The following MADCAM1 variants were observed in gnomAD, a reference collection of about 807,000 sequenced individuals.
MADCAM1 encodes mucosal addressin cell adhesion molecule 1.
Under a neutral mutation model 26.1 loss-of-function variants are expected in MADCAM1, and 19 were observed. That is an observed-to-expected ratio of 0.73 (90% confidence interval 0.51 to 1.07). The LOEUF (loss-of-function observed/expected upper bound fraction) is 1.07, where lower values mean the gene tolerates loss of function less well. Ranked by LOEUF, MADCAM1 falls within the 50% of genes least tolerant of loss-of-function variation. The pLI, the probability that MADCAM1 is intolerant of heterozygous loss-of-function variation, is 0.00. For missense variants in MADCAM1, 514 were observed against 542.1 expected (o/e 0.95, Z 0.51); for synonymous variants, 268 against 260.9 (o/e 1.03, Z -0.26).
Position 498,042 on chromosome 19 carries a change from G to A in MADCAM1, c.262G>A (p.Ala88Thr), listed in dbSNP as rs1334157470. The A allele has an allele frequency of 2.0e-6, 3 of 1,489,730 alleles. No individual in the cohort carries two copies. Among genetic ancestry groups the A allele is most frequent in the East Asian group, 2.7e-5 (1 of 37,452 alleles). The allele number at this position is 1,489,730 out of a possible 1,614,324, so 92.3% of individuals were successfully genotyped here. The change falls in exon 2 of 5, where the codon GCG (alanine) becomes ACG (threonine). Residue 88 changes from alanine (A) to threonine (T), a missense_variant. Transcript: ENST00000215637. ...CACCGTGCGCAACGCCTCGCTGTCG[G>A]CGGCCGGGACCCGCGTGTGCGTGGG... Reference protein sequence around the residue: ...VLTVRNASLSAAGTRVCVGSC... With the variant: ...VLTVRNASLSTAGTRVCVGSC...
intron 3 of MADCAM1, chr19:499,736 G>C: frequency 2.2e-6 from 1 of 450,938 alleles, no homozygotes; most frequent in Non-Finnish European, 4.5e-6. Context: ...CAGGGCCTGG[G>C]GCATAGCAGG....
rs1443750702 is a variant in MADCAM1, at chr19:498,758, C to T, written c.600C>T (p.Pro200=). ...RLPPLGTPVP[P]ALYCQATMRL... The stretch of plus-strand genomic sequence containing the variant: ...CGCCCCTGGGGACCCCTGTCCCGCC[C>T]GCCCTCTACTGCCAGGCCACGATGA... Residue 200 remains proline, a synonymous_variant, in exon 3 of 5, where the codon CCC becomes CCT. Transcript: ENST00000215637. The T allele has an allele frequency of 1.3e-6, 2 of 1,494,294 alleles. No homozygotes were observed. The highest frequency in any genetic ancestry group is 1.4e-5 in the African/African-American group (1 of 70,330). 92.6% of individuals were successfully genotyped at this position (1,494,294 alleles called of 1,614,324 possible).
chr19:503,238 G>A lies in MADCAM1; in HGVS notation c.928+1309G>A, dbSNP rs1270943725. ...GGAGGTAGAGCTTGCAGTGAGCCGA[G>A]ATCGCGCCACTGCACTCCAGCCTGG... On this transcript the variant is annotated intron_variant, in intron 4 of 4. Coordinates refer to ENST00000215637, the MANE Select transcript of MADCAM1 (RefSeq NM_130760.3). Among the ~76,000 whole-genome samples, 7 of 152,090 alleles carry A rather than the reference G, an allele frequency of 4.6e-5. No individual in the cohort carries two copies. The East Asian group carries it at 9.7e-4, about 21-fold the overall frequency.
intron 4 of MADCAM1, among the ~76,000 whole-genome samples, chr19:503,941 A>AT (rs916221534): frequency 4.6e-5 from 7 of 151,018 alleles, no homozygotes; most frequent in African/African-American, 1.7e-4. Flanking sequence ...CCAGCTGAGG[A>AT]TTACTCGGGA....
At chr19:502,053 GT>G in intron 4 of MADCAM1, 124 bp downstream of exon 4, 1 of 1,085,682 alleles carries the variant, frequency 9.2e-7, no homozygotes, top group Non-Finnish European at 1.3e-6. Context: ...CCCAGCCTCA[GT>G]TTCCCCGTCT....
intron 2 of MADCAM1, 71 bp from the exon 3 acceptor site, chr19:498,425 G>C (rs1156318934): frequency 1.4e-6 from 2 of 1,389,774 alleles, no homozygotes; most frequent in African/African-American, 3.0e-5. Context: ...AAGCCCCTCC[G>C]GGCTCCGGCC....
At chr19:501,204 G>A (rs1978321910) in intron 3 of MADCAM1, among the ~76,000 whole-genome samples, 2 of 149,858 alleles carry the variant, frequency 1.3e-5, no homozygotes, top group African/African-American at 4.9e-5. Flanking sequence ...AAAAAAACCA[G>A]GCCGGGCGTG....
chr19:498,681 C>G lies in MADCAM1; in HGVS notation c.523C>G (p.Pro175Ala). The change falls in exon 3 of 5, where the codon CCC becomes GCC. Residue 175 changes from proline to alanine, a missense_variant. Coordinates refer to ENST00000215637, the MANE Select transcript of MADCAM1 (RefSeq NM_130760.3). ...GPEVQEEEEE[P>A]QGDEDVLFRV... ...GGAGGTGCAGGAGGAGGAGGAGGAG[C>G]CCCAGGGGGACGAGGACGTGCTGTT... 6.9e-7 allele frequency: 1 copy of G among 1,451,590 alleles called. No individual in the cohort carries two copies. 89.9% of individuals were successfully genotyped at this position (1,451,590 alleles called of 1,614,324 possible).
chr19:499,395 GGCACACAA>G, intron 3 of MADCAM1: 1 of 455,456 alleles, frequency 2.2e-6, no homozygotes, highest in Middle Eastern at 3.3e-4. Flanking sequence ...TACAAACATA[GGCACACAA>G]GCACACACAT....
chr19:505,328 A>G lies in MADCAM1; in HGVS notation c.*363A>G, dbSNP rs1237017716. 1 of 208,354 alleles carries G rather than the reference A, an allele frequency of 4.8e-6. No individual in the cohort carries two copies. Among genetic ancestry groups the G allele is most frequent in the African/African-American group, 2.3e-5 (1 of 43,522 alleles). 12.9% of individuals were successfully genotyped at this position (208,354 alleles called of 1,614,324 possible). On this transcript the variant is annotated 3_prime_UTR_variant, in exon 5 of 5. Transcript: ENST00000215637. ...GACCTCCTGAGGCTTTGGCAAATAA[A>G]CCTCCTAAAATGATACAAACGTGTC...
intron 1 of MADCAM1, among the ~76,000 whole-genome samples, chr19:497,421 G>T (rs1176449040): frequency 4.0e-5 from 5 of 123,646 alleles, no homozygotes; most frequent in African/African-American, 6.2e-5. Flanking sequence ...TTAAGAGGGG[G>T]CGCAGGAGAG....
chr19:504,757 C>A lies in MADCAM1; in HGVS notation c.941C>A (p.Ala314Glu). The A allele has an allele frequency of 1.2e-6, 2 of 1,604,668 alleles. No homozygotes were observed. The highest frequency in any genetic ancestry group is 1.7e-6 in the Non-Finnish European group (2 of 1,173,292). ...ACTCTCTCCCCAGCGTCCAAACCTG[C>A]GGGTGACCAGCTGCCCGCGGCTCTG... is the stretch of plus-strand genomic sequence containing the variant. Reference protein sequence around the residue: ...EVIPTGSSKPAGDQLPAALWT... With the variant: ...EVIPTGSSKPEGDQLPAALWT... Residue 314 changes from alanine (A) to glutamate (E), a missense_variant, in exon 5 of 5, where the codon GCG becomes GAG. Ala to Glu is a moderately radical substitution (Grantham distance 107, BLOSUM62 -1). This residue lies in a region of MADCAM1 where 152 missense variants were observed against 136.7 expected (regional missense o/e 1.11). Transcript: ENST00000215637.
intron 3 of MADCAM1, 60 bp downstream of exon 3, chr19:498,885 G>A (rs957507903): frequency 2.0e-6 from 3 of 1,497,532 alleles, no homozygotes; most frequent in African/African-American, 1.4e-5. Context: ...AGCACTTCGG[G>A]ACGGGGTGGG....
chr19:503,489 G>A (rs1383626500), intron 4 of MADCAM1, among the ~76,000 whole-genome samples: 2 of 137,400 alleles, frequency 1.5e-5, no homozygotes, highest in East Asian at 2.3e-4. Flanking sequence ...GCTGAGGCAG[G>A]AGAATGGCGT....
rs1297008251 is a variant in MADCAM1, at chr19:500,052, C to G, written c.667+1227C>G. 1.3e-5 allele frequency: 6 copies of G among 454,984 alleles called. No individual in the cohort carries two copies. The East Asian group carries it at 4.2e-4, about 32-fold the overall frequency. 28.2% of individuals were successfully genotyped at this position (454,984 alleles called of 1,614,324 possible). On this transcript the variant is annotated intron_variant, in intron 3 of 4. Coordinates refer to ENST00000215637, the MANE Select transcript of MADCAM1 (RefSeq NM_130760.3). Reference sequence around the variant, plus strand: ...GATTTGAGGGATATTTTACAGAACACGGGCCCTCACGGGCCTCAGTCTCCC... The same window carrying G: ...GATTTGAGGGATATTTTACAGAACAGGGGCCCTCACGGGCCTCAGTCTCCC...
chr19:504,255 C>CATTTTTTTTTTTTTTTTTTT (rs1270034691), intron 4 of MADCAM1, among the ~76,000 whole-genome samples: 2 of 88,150 alleles, frequency 2.3e-5, no homozygotes, highest in African/African-American at 4.2e-5. Context: ...CCGGTCTGCC[C>CATTTTTTTTTTTTTTTTTTT]TTTTTTTTTT....
intron 4 of MADCAM1, 52 bp from the exon 5 acceptor site, chr19:504,693 C>A (rs1978522341): frequency 1.5e-6 from 2 of 1,355,090 alleles, no homozygotes; most frequent in Non-Finnish European, 2.1e-6. Flanking sequence ...CCTTCCCAAG[C>A]CTGCAGAGGC....
At chr19:499,009 C>A in intron 3 of MADCAM1, 184 bp downstream of exon 3, 1 of 923,660 alleles carries the variant, frequency 1.1e-6, no homozygotes, top group Non-Finnish European at 1.7e-6. Flanking sequence ...TGCCCCCCAG[C>A]ACAGGTCCCA....
Position 496,491 on chromosome 19 carries a change from G to C in MADCAM1, c.-9G>C. 4.6e-6 allele frequency: 6 copies of C among 1,310,316 alleles called. No individual in the cohort carries two copies. The highest frequency in any genetic ancestry group is 5.9e-6 in the Non-Finnish European group (6 of 1,022,096). The allele number at this position is 1,310,316 out of a possible 1,614,324, so 81.2% of individuals were successfully genotyped here. A position where few individuals can be genotyped will look rare whatever the true frequency, so the allele number is the denominator to read the frequency against. On this transcript the variant is annotated 5_prime_UTR_variant, in exon 1 of 5. Transcript: ENST00000215637. ...CTTCCCCGCGGCCTCGGGACAGAGG[G>C]GACTGAGCATGGATTTCGGACTGGC...
Sources: gnomAD v4.1 joint callset for allele counts (sites outside exome capture counted in the v4.1 genomes callset) on GRCh38, gnomAD v4.1.1 for gene constraint, gnomAD v4.1.1 regional missense constraint, MANE v1.5 for transcripts, NCBI Gene and HGNC (gene_info 2026-07-23, HGNC 2026-07-21) for gene names.